RNF144A: variants seen among roughly 807,000 people sequenced by gnomAD.
RNF144A encodes the protein E3 ubiquitin-protein ligase RNF144A.
RNF144A carries 11 observed loss-of-function variants against 38.7 expected under a neutral mutation model. The ratio of observed to expected loss-of-function variants is 0.28; its 90% CI spans 0.18 to 0.47. The LOEUF is 0.47. Ranked by LOEUF, RNF144A falls within the 20% of genes least tolerant of loss-of-function variation. The probability of loss-of-function intolerance (pLI) is 0.99; values close to 1 mark genes in which losing one functional copy is unlikely to be tolerated. For synonymous variants in RNF144A, 149 were observed against 143.9 expected, an observed-to-expected ratio of 1.04 and a Z score of -0.25; for missense variants, 316 against 377.2, an observed-to-expected ratio of 0.84 and a Z score of 1.34.
At chr2:6,945,877 G>C (rs906834266) in intron 2 of RNF144A, among the ~76,000 whole-genome samples, 3 of 152,194 alleles carry the variant, frequency 2.0e-5, no homozygotes, top group Admixed American at 6.5e-5. Context: ...TGAGGAAAGA[G>C]ATGAGGAGAA....
intron 2 of RNF144A, among the ~76,000 whole-genome samples, chr2:6,942,237 G>A (rs954954867): frequency 1.3e-5 from 2 of 151,980 alleles, no homozygotes; most frequent in Non-Finnish European, 1.5e-5. Context: ...TAGAGGACAA[G>A]GCTAGAATCC....
At chr2:7,075,729 G>A in the RNF144A span, among the ~76,000 whole-genome samples, 2 of 152,108 alleles carry the variant, frequency 1.3e-5, no homozygotes, top group Admixed American at 6.5e-5. Flanking sequence ...CCAGTCTCAG[G>A]TGTTCTATAT....
At chr2:7,038,458 G>A (rs1370153563) in intron 8 of RNF144A, among the ~76,000 whole-genome samples, 2 of 152,164 alleles carry the variant, frequency 1.3e-5, no homozygotes, top group African/African-American at 2.4e-5. Context: ...GGTGTTCCTC[G>A]AGGGCCAAGA....
At chr2:6,990,517 CAT>C (rs141653625) in intron 2 of RNF144A, among the ~76,000 whole-genome samples, 27,579 of 131,670 alleles carry the variant, frequency 0.21, 2,839 homozygotes, top group Middle Eastern at 0.24. Flanking sequence ...TATGATATAA[CAT>C]ATTATATATA....
intron 6 of RNF144A, among the ~76,000 whole-genome samples, chr2:7,061,670 T>C (rs1354487233): frequency 6.6e-6 from 1 of 152,230 alleles, no homozygotes; most frequent in Non-Finnish European, 1.5e-5. Flanking sequence ...GCCTATGATT[T>C]AGGCTGAATG....
intron 3 of RNF144A, among the ~76,000 whole-genome samples, chr2:7,001,455 C>G (rs1670096828): frequency 6.6e-6 from 1 of 152,072 alleles, no homozygotes; most frequent in African/African-American, 2.4e-5. Flanking sequence ...GGTGGGAGGA[C>G]TGTTTGAGCT....
At position 7,042,087 on chromosome 2, in the gene RNF144A, G is replaced by A; in HGVS notation, c.*2327G>A. On this transcript the variant is annotated 3_prime_UTR_variant, in exon 9 of 9. Coordinates refer to ENST00000320892, the MANE Select transcript of RNF144A (RefSeq NM_014746.6). ...GACTTTTTGTATGAAGCATGCCTCA[G>A]TTTCCTCATTTTGATCTAGATATAA... 1.0e-6 allele frequency: 1 copy of A among 985,300 alleles called. No homozygotes were observed. The highest frequency in any genetic ancestry group is 1.2e-6 in the Non-Finnish European group (1 of 829,886). 61.0% of individuals were successfully genotyped at this position (985,300 alleles called of 1,614,324 possible). A position where few individuals can be genotyped will look rare whatever the true frequency, so the allele number is the denominator to read the frequency against.
At chr2:7,002,373 T>C (rs1157156656) in intron 3 of RNF144A, among the ~76,000 whole-genome samples, 5 of 152,198 alleles carry the variant, frequency 3.3e-5, no homozygotes, top group Non-Finnish European at 7.3e-5. Context: ...TGCGATCATT[T>C]GGGGCTTGAA....
At chr2:6,999,826 T>G (rs1669988063) in intron 3 of RNF144A, among the ~76,000 whole-genome samples, 1 of 152,212 alleles carries the variant, frequency 6.6e-6, no homozygotes, top group Non-Finnish European at 1.5e-5. Flanking sequence ...CTAAATGTCT[T>G]CTGAAGAACA....
chr2:6,966,790 A>G (rs1667692394), intron 2 of RNF144A, among the ~76,000 whole-genome samples: 1 of 152,202 alleles, frequency 6.6e-6, no homozygotes, highest in Non-Finnish European at 1.5e-5. Flanking sequence ...GTCCATAGTC[A>G]GGGCAGCAGC....
At chr2:6,993,446 C>T (rs1413339179) in intron 2 of RNF144A, among the ~76,000 whole-genome samples, 1 of 152,114 alleles carries the variant, frequency 6.6e-6, no homozygotes, top group Non-Finnish European at 1.5e-5. Flanking sequence ...AGGCAGTAAA[C>T]AGGAAAAGGA....
At chr2:7,018,061 A>T (rs1378261151) in intron 5 of RNF144A, among the ~76,000 whole-genome samples, 1 of 152,198 alleles carries the variant, frequency 6.6e-6, no homozygotes, top group Non-Finnish European at 1.5e-5. Context: ...CTGTTGAGCC[A>T]GGAGGGTGGA....
chr2:7,030,204 C>A lies in RNF144A; in HGVS notation c.736C>A (p.His246Asn). 1 of 1,611,682 alleles carries A rather than the reference C, an allele frequency of 6.2e-7. No homozygotes were observed. Among genetic ancestry groups the A allele is most frequent in the Non-Finnish European group, 8.5e-7 (1 of 1,178,502 alleles). Residue 246 changes from histidine to asparagine, a missense_variant, in exon 8 of 9, where the codon CAT (histidine) becomes AAT (asparagine). Coordinates refer to ENST00000320892, the MANE Select transcript of RNF144A (RefSeq NM_014746.6). The stretch of plus-strand genomic sequence containing the variant: ...CCACTCCCGGGCATCTGTGATCTGG[C>A]ATCGGACACAGGTAGGAGGTGATTT... ...LGHSRASVIW[H>N]RTQVVGIFAG...
intron 1 of RNF144A, among the ~76,000 whole-genome samples, chr2:6,935,268 T>C (rs1665496010): frequency 6.6e-6 from 1 of 152,246 alleles, no homozygotes; most frequent in Non-Finnish European, 1.5e-5. Flanking sequence ...CTGACTTTCT[T>C]CTTTGGCCTC....
intron 8 of RNF144A, among the ~76,000 whole-genome samples, chr2:7,031,356 G>A (rs761636551): frequency 2.0e-5 from 3 of 152,212 alleles, no homozygotes; most frequent in Non-Finnish European, 4.4e-5. Context: ...ACGGAACTAC[G>A]TTCTGTTTAG....
In RNF144A at chr2:7,016,796, C is replaced by T. The variant is rs968614255; in HGVS notation, c.301+2024C>T. Among the ~76,000 whole-genome samples the T allele has an allele frequency of 5.9e-5, 9 of 151,938 alleles. No individual in the cohort carries two copies. The South Asian group carries it at 8.3e-4, about 14-fold the overall frequency. ...CTCTAAAATCTAGTCAAGTAGAGGACGCCCTGGAAGAAAACTGAGACAGTT... is the reference window on the plus strand; with the variant it reads ...CTCTAAAATCTAGTCAAGTAGAGGATGCCCTGGAAGAAAACTGAGACAGTT... On this transcript the variant is annotated intron_variant, in intron 5 of 8. Transcript: ENST00000320892.
intron 6 of RNF144A, among the ~76,000 whole-genome samples, chr2:7,051,353 G>A (rs1354147332): frequency 6.6e-6 from 1 of 152,196 alleles, no homozygotes; most frequent in East Asian, 1.9e-4. Flanking sequence ...GGGTAGAGCG[G>A]TAAGGGACAG....
chr2:6,950,338 A>T (rs552673884), intron 2 of RNF144A, among the ~76,000 whole-genome samples: 1 of 152,346 alleles, frequency 6.6e-6, no homozygotes, highest in South Asian at 2.1e-4. Flanking sequence ...AGTGTTCTCT[A>T]AGATTTAACC....
intron 7 of RNF144A, among the ~76,000 whole-genome samples, chr2:7,029,909 G>A (rs1672165851): frequency 6.6e-6 from 1 of 152,272 alleles, no homozygotes; most frequent in Non-Finnish European, 1.5e-5. Flanking sequence ...GTGCTGTCCA[G>A]GGCTGCTAGG....
Sources: allele counts gnomAD v4.1 joint callset (sites outside exome capture counted in the v4.1 genomes callset), GRCh38; gene constraint gnomAD v4.1.1; transcripts MANE v1.5; gene names NCBI Gene and HGNC (gene_info 2026-07-23, HGNC 2026-07-21).